The following ARHGAP35 variants were observed in gnomAD, a reference collection of about 807,000 sequenced individuals.
ARHGAP35 encodes the protein Rho GTPase activating protein 35, also known as rho GTPase-activating protein 35.
Under a neutral mutation model 111.1 loss-of-function variants are expected in ARHGAP35, and 15 were observed. That is an observed-to-expected ratio of 0.13 (90% CI 0.09 to 0.21). The LOEUF (loss-of-function observed/expected upper bound fraction) is 0.21. Ranked by LOEUF, ARHGAP35 falls within the 10% of genes least tolerant of loss-of-function variation. ARHGAP35 has a pLI of 1.00. For missense variants in ARHGAP35, 1,262 were observed against 1,873.0 expected, an observed-to-expected ratio of 0.67 and a Z score of 6.02; for synonymous variants, 643 against 710.3, an observed-to-expected ratio of 0.91 and a Z score of 1.51.
intron 1 of ARHGAP35, among the ~76,000 whole-genome samples, chr19:46,913,407 A>G (rs540417698): frequency 1.4e-4 from 21 of 151,880 alleles, no homozygotes; most frequent in Non-Finnish European, 2.9e-4. Flanking sequence ...AATGTGTGCT[A>G]TCTTGGGAAT....
intron 1 of ARHGAP35, among the ~76,000 whole-genome samples, chr19:46,894,445 G>GTTT (rs35723876): frequency 4.6e-5 from 5 of 108,100 alleles, no homozygotes; most frequent in Admixed American, 9.6e-5. Context: ...CTGTTTTTTG[G>GTTT]TTTTTTTTTT....
At chr19:46,869,227 T>G (rs1487437300) in intron 1 of ARHGAP35, among the ~76,000 whole-genome samples, 1 of 152,066 alleles carries the variant, frequency 6.6e-6, no homozygotes, top group African/African-American at 2.4e-5. Flanking sequence ...ATTTAGTAAC[T>G]TTTTGCATTT....
intron 1 of ARHGAP35, among the ~76,000 whole-genome samples, chr19:46,897,407 T>C (rs73057382): frequency 0.018 from 2,749 of 151,996 alleles, 41 homozygotes; most frequent in Non-Finnish European, 0.028. Context: ...AGTATAGTTT[T>C]AGTAGTTGTT....
Position 46,999,204 on chromosome 19 carries a change from C to T in ARHGAP35, c.4037-100C>T, listed in dbSNP as rs1353901026. On this transcript the variant is annotated intron_variant, in intron 5 of 6. Coordinates refer to ENST00000672722, the MANE Select transcript of ARHGAP35 (RefSeq NM_004491.5). This position sits in a 1 kb window ranked among gnomAD's most constrained non-coding sequence, Gnocchi z 5.4. The stretch of plus-strand genomic sequence containing the variant: ...GAGTGGGGTTAGTGTCATCCAAAAG[C>T]CCTGGGCTGTCCTCAGAGAAGGCCC... 2.6e-6 allele frequency: 2 copies of T among 765,826 alleles called. No individual in the cohort carries two copies. Among genetic ancestry groups the T allele is most frequent in the South Asian group, 3.3e-5 (2 of 60,522 alleles). The allele number at this position is 765,826 out of a possible 1,614,324, so 47.4% of individuals were successfully genotyped here. A position where few individuals can be genotyped will look rare whatever the true frequency, so the allele number is the denominator to read the frequency against.
chr19:46,930,093 A>G (rs531466853), intron 2 of ARHGAP35, among the ~76,000 whole-genome samples: 45 of 152,148 alleles, frequency 3.0e-4, no homozygotes, highest in African/African-American at 9.4e-4. Flanking sequence ...AAGGCCAGAC[A>G]TGGTGGCTCA....
intron 3 of ARHGAP35, among the ~76,000 whole-genome samples, chr19:46,979,949 A>T (rs1174057894): frequency 6.6e-6 from 1 of 152,110 alleles, no homozygotes; most frequent in African/African-American, 2.4e-5. Context: ...CCCGAGCAGG[A>T]AGGCAGCAGG....
At chr19:46,971,027 T>C (rs1162737997) in intron 3 of ARHGAP35, among the ~76,000 whole-genome samples, 1 of 152,052 alleles carries the variant, frequency 6.6e-6, no homozygotes, top group Non-Finnish European at 1.5e-5. Context: ...ACAGGGAAAA[T>C]AGCAACCAAC....
At chr19:46,959,368 TTTTA>T (rs1162149981) in intron 3 of ARHGAP35, among the ~76,000 whole-genome samples, 5 of 151,010 alleles carry the variant, frequency 3.3e-5, no homozygotes, top group Admixed American at 1.3e-4. Flanking sequence ...AATCTCCTTT[TTTTA>T]TTTATTTTTA....
chr19:46,979,050 T>G, intron 3 of ARHGAP35, among the ~76,000 whole-genome samples: 2 of 96,112 alleles, frequency 2.1e-5, no homozygotes, highest in East Asian at 3.1e-4. Context: ...TGGTGTGTGG[T>G]GGGATGTGTG....
At chr19:46,864,314 A>G (rs2055844441) in intron 1 of ARHGAP35, among the ~76,000 whole-genome samples, 2 of 152,060 alleles carry the variant, frequency 1.3e-5, no homozygotes, top group African/African-American at 2.4e-5. Flanking sequence ...CTGTCCAACC[A>G]TTTTCCTTCC....
In ARHGAP35 at chr19:46,920,760, T is replaced by C. The variant is rs2056194307; in HGVS notation, c.2085T>C (p.His695=). Reference sequence around the variant, plus strand: ...GCCGGCGGGATAATCATTTAGTCCATCTCCCCCTTACATTAATTTTGGTTA... The same window carrying C: ...GCCGGCGGGATAATCATTTAGTCCACCTCCCCCTTACATTAATTTTGGTTA... ...TLGRRDNHLV[H]LPLTLILVNK... The change falls in exon 2 of 7, where the codon CAT becomes CAC. Residue 695 remains histidine (H), a synonymous_variant. Coordinates refer to ENST00000672722, the MANE Select transcript of ARHGAP35 (RefSeq NM_004491.5). The surrounding 1 kb of genome is among the most constrained non-coding windows in gnomAD (Gnocchi z 7.0). The C allele has an allele frequency of 1.9e-6, 3 of 1,609,730 alleles. No individual in the cohort carries two copies. The highest frequency in any genetic ancestry group is 1.7e-6 in the Non-Finnish European group (2 of 1,177,880).
chr19:46,943,745 G>C (rs942035377), intron 3 of ARHGAP35, among the ~76,000 whole-genome samples: 11 of 152,172 alleles, frequency 7.2e-5, no homozygotes, highest in African/African-American at 2.7e-4. Context: ...GGCTTGTCCT[G>C]CAAAATAAAA....
At chr19:46,873,624 G>A (rs1165942083) in intron 1 of ARHGAP35, among the ~76,000 whole-genome samples, 11 of 130,374 alleles carry the variant, frequency 8.4e-5, no homozygotes, top group East Asian at 4.0e-4. Context: ...CTGACAGAGC[G>A]AGACTCTTTC....
At chr19:46,966,104 A>T (rs1207171630) in intron 3 of ARHGAP35, among the ~76,000 whole-genome samples, 1 of 152,134 alleles carries the variant, frequency 6.6e-6, no homozygotes, top group Non-Finnish European at 1.5e-5. Context: ...GCAACCTTCC[A>T]GTTTGCCATA....
intron 1 of ARHGAP35, among the ~76,000 whole-genome samples, chr19:46,887,090 T>C (rs1478987517): frequency 6.6e-6 from 1 of 152,132 alleles, no homozygotes; most frequent in Non-Finnish European, 1.5e-5. Context: ...GTCTCATGTT[T>C]GTTAAATTTT....
chr19:46,986,238 G>T lies in ARHGAP35; in HGVS notation c.3827-1751G>T, dbSNP rs2056649239. Among the ~76,000 whole-genome samples, 1 of 152,196 alleles carries T rather than the reference G, an allele frequency of 6.6e-6. No homozygotes were observed. The highest frequency in any genetic ancestry group is 6.5e-5 in the Admixed American group (1 of 15,284). On this transcript the variant is annotated intron_variant, in intron 3 of 6. Coordinates refer to ENST00000672722, the MANE Select transcript of ARHGAP35 (RefSeq NM_004491.5). The surrounding 1 kb of genome is among the most constrained non-coding windows in gnomAD (Gnocchi z 4.3). ...CACAGTGGACTTCGTTCCCAGGACA[G>T]GGTGAGTGGACTCAGTAGACAGCTT...
chr19:46,966,827 A>G (rs1159754900), intron 3 of ARHGAP35, among the ~76,000 whole-genome samples: 2 of 152,204 alleles, frequency 1.3e-5, no homozygotes, highest in East Asian at 1.9e-4. Flanking sequence ...ATCAAAGAGA[A>G]AATTAATATC....
chr19:46,935,574 C>T (rs1251234773), intron 2 of ARHGAP35, among the ~76,000 whole-genome samples: 5 of 152,152 alleles, frequency 3.3e-5, no homozygotes, highest in Non-Finnish European at 7.4e-5. Flanking sequence ...TGCGGCCTGG[C>T]GGTTCGTTGT....
rs1400002880 is a variant in ARHGAP35 at position 46,945,406 on chromosome 19, C to T, written c.3826+7998C>T. 1.3e-5 allele frequency among the ~76,000 whole-genome samples: 2 copies of T among 152,070 alleles called. No homozygotes were observed. The highest frequency in any genetic ancestry group is 2.9e-5 in the Non-Finnish European group (2 of 68,016). ...AAGTAGAATTATTCAATTCAGTGTA[C>T]CTCTCTGGAATGGGGCAAGAGGTTA... On this transcript the variant is annotated intron_variant, in intron 3 of 6. Transcript: ENST00000672722. This position sits in a 1 kb window ranked among gnomAD's most constrained non-coding sequence, Gnocchi z 4.1.
Sources: allele counts gnomAD v4.1 joint callset (sites outside exome capture counted in the v4.1 genomes callset), GRCh38; gene constraint gnomAD v4.1.1; non-coding constraint Gnocchi (gnomAD v3.1); transcripts MANE v1.5; gene names NCBI Gene and HGNC (gene_info 2026-07-23, HGNC 2026-07-21).